The following INPP5A variants were observed in gnomAD, a reference collection of about 807,000 sequenced individuals.
INPP5A encodes 43 kDa inositol polyphosphate 5-phophatase.
INPP5A carries 14 observed loss-of-function variants against 65.2 expected under a neutral mutation model. That is an observed-to-expected ratio of 0.21 (90% CI 0.14 to 0.34). The LOEUF (loss-of-function observed/expected upper bound fraction) is 0.34, where lower values mean the gene tolerates loss of function less well. INPP5A is among the 10% of genes least tolerant of loss of function. The pLI, the probability that INPP5A is intolerant of heterozygous loss-of-function variation, is 1.00. For missense variants in INPP5A, 431 were observed against 545.6 expected, an observed-to-expected ratio of 0.79 and a Z score of 2.09; for synonymous variants, 207 against 208.3, an observed-to-expected ratio of 0.99 and a Z score of 0.05.
rs2072940826 is a variant in INPP5A at position 132,674,735 on chromosome 10, A to G, written c.307-15657A>G. Among the ~76,000 whole-genome samples the G allele has an allele frequency of 6.6e-6, 1 of 152,192 alleles. No individual in the cohort carries two copies. Among genetic ancestry groups the G allele is most frequent in the Admixed American group, 6.5e-5 (1 of 15,282 alleles). Reference sequence around the variant, plus strand: ...AGATGGGTCAGAAAGCACCCAGTTCATGACATGCAGTTCAGGTCACACGGT... The same window carrying G: ...AGATGGGTCAGAAAGCACCCAGTTCGTGACATGCAGTTCAGGTCACACGGT... On this transcript the variant is annotated intron_variant, in intron 4 of 15. Coordinates refer to ENST00000368594, the MANE Select transcript of INPP5A (RefSeq NM_005539.5). The surrounding 1 kb of genome is among the most constrained non-coding windows in gnomAD (Gnocchi z 4.4).
intron 8 of INPP5A, among the ~76,000 whole-genome samples, chr10:132,723,598 G>GGCC (rs1282172638): frequency 1.5e-4 from 14 of 95,168 alleles, no homozygotes; most frequent in African/African-American, 4.4e-4. Flanking sequence ...TGTGGGGATT[G>GGCC]GTTTTGTGGG....
intron 4 of INPP5A, among the ~76,000 whole-genome samples, chr10:132,668,034 C>T (rs2072830336): frequency 6.6e-6 from 1 of 152,052 alleles, no homozygotes. Context: ...GGAGATCTTT[C>T]AAGTGTAACT....
intron 6 of INPP5A, among the ~76,000 whole-genome samples, chr10:132,701,140 C>T (rs1172697856): frequency 3.9e-5 from 6 of 152,184 alleles, no homozygotes; most frequent in Admixed American, 2.0e-4. Context: ...GCGATTTATG[C>T]CGTCTTTTAG....
intron 11 of INPP5A, among the ~76,000 whole-genome samples, chr10:132,764,388 G>A (rs1846792215): frequency 6.6e-6 from 1 of 152,050 alleles, no homozygotes; most frequent in Admixed American, 6.5e-5. Context: ...AGGGTTGAGA[G>A]GGTGTGTGTG....
In INPP5A at chr10:132,658,600, G is replaced by A. The variant is rs756184370; in HGVS notation, c.306+8095G>A. ...GCCGGGCCTTGGATGCAGCCTTGAC[G>A]CGTGTCGATCTGTTTACACACAGGG... On this transcript the variant is annotated intron_variant, in intron 4 of 15. Transcript: ENST00000368594. 7.9e-5 allele frequency among the ~76,000 whole-genome samples: 12 copies of A among 152,260 alleles called. No individual in the cohort carries two copies. In the East Asian group the frequency reaches 1.5e-3, roughly 20 times the overall value.
Position 132,675,534 on chromosome 10 carries a change from G to A in INPP5A, c.307-14858G>A, listed in dbSNP as rs1297090403. ...AAAACACGGAGAGAAGTGCGGTTGA[G>A]CATGGGGGTGGGTGCGTGTGGAGTG... On this transcript the variant is annotated intron_variant, in intron 4 of 15. Coordinates refer to ENST00000368594, the MANE Select transcript of INPP5A (RefSeq NM_005539.5). The surrounding 1 kb of genome is among the most constrained non-coding windows in gnomAD (Gnocchi z 4.2). 6.6e-6 allele frequency among the ~76,000 whole-genome samples: 1 copy of A among 152,212 alleles called. No homozygotes were observed. Among genetic ancestry groups the A allele is most frequent in the Non-Finnish European group, 1.5e-5 (1 of 68,038 alleles).
chr10:132,650,909 C>T lies in INPP5A; in HGVS notation c.306+404C>T, dbSNP rs923292185. On this transcript the variant is annotated intron_variant, in intron 4 of 15. Coordinates refer to ENST00000368594, the MANE Select transcript of INPP5A (RefSeq NM_005539.5). This position sits in a 1 kb window ranked among gnomAD's most constrained non-coding sequence, Gnocchi z 5.5. Reference sequence around the variant, plus strand: ...GCCCTGCTCCCATGCTGGGTCCGTCCCTTCCTGATCCCTGAGTGTGCAGGG... The same window carrying T: ...GCCCTGCTCCCATGCTGGGTCCGTCTCTTCCTGATCCCTGAGTGTGCAGGG... Among the ~76,000 whole-genome samples the T allele has an allele frequency of 8.5e-5, 13 of 152,330 alleles. No homozygotes were observed. The highest frequency in any genetic ancestry group is 6.8e-3 in the Middle Eastern group (2 of 294).
At position 132,674,225 on chromosome 10, in the gene INPP5A, C is replaced by T. The variant is rs2072932965; in HGVS notation, c.307-16167C>T. ...CCCAGATTTCTTTGTCACAATTTTC[C>T]AATCATGCTTCTTCCAAGTCCCTGA... On this transcript the variant is annotated intron_variant, in intron 4 of 15. Transcript: ENST00000368594. The surrounding 1 kb of genome is among the most constrained non-coding windows in gnomAD (Gnocchi z 4.4). 6.6e-6 allele frequency among the ~76,000 whole-genome samples: 1 copy of T among 152,212 alleles called. No individual in the cohort carries two copies. The highest frequency in any genetic ancestry group is 1.5e-5 in the Non-Finnish European group (1 of 68,034).
chr10:132,678,131 A>G lies in INPP5A; in HGVS notation c.307-12261A>G, dbSNP rs911664333. Among the ~76,000 whole-genome samples, 24 of 152,158 alleles carry G rather than the reference A, an allele frequency of 1.6e-4. No homozygotes were observed. Among genetic ancestry groups the G allele is most frequent in the Non-Finnish European group, 2.8e-4 (19 of 68,030 alleles). On this transcript the variant is annotated intron_variant, in intron 4 of 15. Coordinates refer to ENST00000368594, the MANE Select transcript of INPP5A (RefSeq NM_005539.5). This position sits in a 1 kb window ranked among gnomAD's most constrained non-coding sequence, Gnocchi z 4.1. The stretch of plus-strand genomic sequence containing the variant: ...TGAAATTGGAAAGTCAGTGCTTTGT[A>G]AATAAGTCAGCTGTCATTTTGTGGT...
intron 1 of INPP5A, among the ~76,000 whole-genome samples, chr10:132,570,982 A>G (rs543153584): frequency 6.6e-6 from 1 of 152,164 alleles, no homozygotes; most frequent in East Asian, 1.9e-4. Context: ...GAGGGATGAA[A>G]ACGAGGCACT....
chr10:132,711,232 G>A (rs1845631963), intron 8 of INPP5A, among the ~76,000 whole-genome samples: 1 of 152,166 alleles, frequency 6.6e-6, no homozygotes, highest in Non-Finnish European at 1.5e-5. Context: ...CTCCACCGGT[G>A]ATACTGTGGA....
intron 9 of INPP5A, among the ~76,000 whole-genome samples, chr10:132,745,238 A>C (rs1474352036): frequency 6.6e-6 from 1 of 152,112 alleles, no homozygotes; most frequent in African/African-American, 2.4e-5. Context: ...CCTGGAGGCC[A>C]CGATGCTCCT....
Position 132,538,302 on chromosome 10 carries a change from T to A in INPP5A, c.75+131T>A. 2.9e-6 allele frequency: 1 copy of A among 345,056 alleles called. No individual in the cohort carries two copies. The highest frequency in any genetic ancestry group is 4.7e-6 in the Non-Finnish European group (1 of 213,860). The allele number at this position is 345,056 out of a possible 1,614,324, so 21.4% of individuals were successfully genotyped here. A position where few individuals can be genotyped will look rare whatever the true frequency, so the allele number is the denominator to read the frequency against. On this transcript the variant is annotated intron_variant, in intron 1 of 15. Coordinates refer to ENST00000368594, the MANE Select transcript of INPP5A (RefSeq NM_005539.5). The surrounding 1 kb of genome is among the most constrained non-coding windows in gnomAD (Gnocchi z 4.1). ...CAGAGGCCCCAGACTCTGATCCCTG[T>A]ACCCGGGACCCCAGACTCCTGTCCT...
chr10:132,750,601 A>C (rs980441117), intron 11 of INPP5A, among the ~76,000 whole-genome samples: 8 of 152,340 alleles, frequency 5.3e-5, no homozygotes, highest in African/African-American at 1.7e-4. Flanking sequence ...ATGTATTTAC[A>C]AATGTTTATC....
intron 9 of INPP5A, among the ~76,000 whole-genome samples, chr10:132,738,491 T>C (rs957803576): frequency 6.6e-6 from 1 of 152,084 alleles, no homozygotes; most frequent in African/African-American, 2.4e-5. Context: ...GCACAGCAGG[T>C]GCTTCTGCCG....
intron 15 of INPP5A, 27 bp downstream of exon 15, chr10:132,781,975 A>G (rs1457780776): frequency 6.8e-6 from 11 of 1,612,690 alleles, no homozygotes; most frequent in Admixed American, 1.7e-5. Flanking sequence ...CCTCCAGTTC[A>G]GCTTTTACGC....
intron 11 of INPP5A, among the ~76,000 whole-genome samples, chr10:132,763,930 C>T (rs1462595208): frequency 6.6e-6 from 1 of 152,292 alleles, no homozygotes; most frequent in African/African-American, 2.4e-5. Context: ...CTCCAGAGCC[C>T]ATGCCCCTAC....
intron 2 of INPP5A, among the ~76,000 whole-genome samples, chr10:132,623,372 G>C (rs2072132561): frequency 6.6e-6 from 1 of 151,358 alleles, no homozygotes; most frequent in South Asian, 2.1e-4. Context: ...AGGGGGTAAA[G>C]GCAATTTGTT....
In INPP5A at chr10:132,555,348, A is replaced by G. The variant is rs1369942278; in HGVS notation, c.75+17177A>G. The stretch of plus-strand genomic sequence containing the variant: ...GTTGTCCCCTGAGTACGTTCACCCC[A>G]TTTTACAGGCGCTGGCCCAGTGGAG... On this transcript the variant is annotated intron_variant, in intron 1 of 15. Coordinates refer to ENST00000368594, the MANE Select transcript of INPP5A (RefSeq NM_005539.5). This position sits in a 1 kb window ranked among gnomAD's most constrained non-coding sequence, Gnocchi z 4.4. Among the ~76,000 whole-genome samples the G allele has an allele frequency of 2.0e-5, 3 of 151,876 alleles. No homozygotes were observed. Among genetic ancestry groups the G allele is most frequent in the Admixed American group, 6.6e-5 (1 of 15,266 alleles).
Sources: gnomAD v4.1 joint callset for allele counts (sites outside exome capture counted in the v4.1 genomes callset) on GRCh38, gnomAD v4.1.1 for gene constraint, Gnocchi (gnomAD v3.1) non-coding constraint, MANE v1.5 for transcripts, NCBI Gene and HGNC (gene_info 2026-07-23, HGNC 2026-07-21) for gene names.